The following SLC25A10 variants were observed in gnomAD, a reference collection of about 807,000 sequenced individuals.
The protein encoded by SLC25A10 is solute carrier family 25 member 10.
In SLC25A10, 32 loss-of-function variants were observed where a neutral mutation model predicts 40.4. That is an observed-to-expected ratio of 0.79 (90% CI 0.60 to 1.06). The LOEUF is 1.06. SLC25A10 is among the 50% of genes least tolerant of loss of function. The pLI is 0.00. For missense variants in SLC25A10, 394 were observed against 402.6 expected (o/e 0.98, Z 0.18); for synonymous variants, 181 against 171.1 (o/e 1.06, Z -0.45).
chr17:81,718,559 G>A (rs988209133), intron 9 of SLC25A10, among the ~76,000 whole-genome samples: 2 of 152,202 alleles, frequency 1.3e-5, no homozygotes, highest in African/African-American at 4.8e-5. Flanking sequence ...GGAGGCTGAG[G>A]TGGGATAATC....
chr17:81,714,814 C>T (rs2037449143), intron 1 of SLC25A10, 139 bp from the exon 2 acceptor site: 2 of 1,173,102 alleles, frequency 1.7e-6, no homozygotes, highest in South Asian at 1.5e-5. Context: ...GAGCTGGTTC[C>T]AGGCACGGGT....
rs535760861 is a variant in SLC25A10 at position 81,720,823 on chromosome 17, C to A, written c.*746C>A. 0.074 allele frequency: 17,314 copies of A among 233,952 alleles called. 971 individuals carry two copies. Among genetic ancestry groups the A allele is most frequent in the East Asian group, 0.27 (3,361 of 12,256 alleles). The allele number at this position is 233,952 out of a possible 1,614,324, so 14.5% of individuals were successfully genotyped here. On this transcript the variant is annotated 3_prime_UTR_variant, in exon 11 of 11. Transcript: ENST00000350690. ...TGCCTGCGTCCCTCGGGCACCTGGG[C>A]CCCCCCGCTTGGCTCCCTGGGGGAA...
intron 9 of SLC25A10, among the ~76,000 whole-genome samples, chr17:81,718,580 A>T (rs796771175): frequency 6.6e-6 from 1 of 152,144 alleles, no homozygotes; most frequent in South Asian, 2.1e-4. Flanking sequence ...CCTTGAGCCC[A>T]GGATGTCCAG....
In SLC25A10 at chr17:81,720,086, G is replaced by A; in HGVS notation, c.*9G>A. On this transcript the variant is annotated 3_prime_UTR_variant, in exon 11 of 11. Transcript: ENST00000350690. ...TCAAAGTGCCATCCTGACCAGCCGT[G>A]GGAATGGCTGGGCTGCCAGGCCAGA... 6.2e-7 allele frequency: 1 copy of A among 1,612,364 alleles called. No individual in the cohort carries two copies. Among genetic ancestry groups the A allele is most frequent in the Non-Finnish European group, 8.5e-7 (1 of 1,179,992 alleles).
Position 81,716,872 on chromosome 17 carries a change from G to A in SLC25A10, c.463+17G>A, listed in dbSNP as rs780087234. ...CTCGTGAAGGTGAGGGGCAGGTGCTGTGCACAGGCAGGGTTCTGGGGGGCA... is the reference window on the plus strand; with the variant it reads ...CTCGTGAAGGTGAGGGGCAGGTGCTATGCACAGGCAGGGTTCTGGGGGGCA... On this transcript the variant is annotated intron_variant, in intron 6 of 10. Transcript: ENST00000350690. 6.8e-6 allele frequency: 11 copies of A among 1,610,612 alleles called. No homozygotes were observed. The highest frequency in any genetic ancestry group is 2.2e-5 in the East Asian group (1 of 44,778).
rs1171503269 is a variant in SLC25A10, at chr17:81,712,346, C to CGCGGGGT, written c.-75_-74insTGCGGGG. On this transcript the variant is annotated 5_prime_UTR_variant, in exon 1 of 11. Transcript: ENST00000350690. ...TTTGAACCGGGCGCGGGGCGCGGGGCGCGGGGCGCTGCGGCCGGTACACGC... is the reference window on the plus strand; with the variant it reads ...TTTGAACCGGGCGCGGGGCGCGGGGCGCGGGGTGCGGGGCGCTGCGGCCGGTACACGC... 1.0e-6 allele frequency: 1 copy of CGCGGGGT among 964,912 alleles called. No individual in the cohort carries two copies. The highest frequency in any genetic ancestry group is 1.7e-5 in the African/African-American group (1 of 57,954). 59.8% of individuals were successfully genotyped at this position (964,912 alleles called of 1,614,324 possible). A position where few individuals can be genotyped will look rare whatever the true frequency, so the allele number is the denominator to read the frequency against.
At chr17:81,712,555 C>A in intron 1 of SLC25A10, 36 bp downstream of exon 1, 1 of 1,212,268 alleles carries the variant, frequency 8.2e-7, no homozygotes, top group Non-Finnish European at 1.0e-6. Flanking sequence ...GCGGATGGGA[C>A]CCTGGCGCCG....
chr17:81,716,220 C>A (rs1312864442), intron 5 of SLC25A10, among the ~76,000 whole-genome samples, 170 bp downstream of exon 5: 1 of 152,176 alleles, frequency 6.6e-6, no homozygotes, highest in Non-Finnish European at 1.5e-5. Flanking sequence ...TCACTCTGCG[C>A]CCCCAGGACC....
At position 81,715,989 on chromosome 17, in the gene SLC25A10, G is replaced by A. The variant is rs773033327; in HGVS notation, c.378-20G>A. 43 of 1,345,954 alleles carry A rather than the reference G, an allele frequency of 3.2e-5. 2 individuals are homozygous for A. The highest frequency in any genetic ancestry group is 2.7e-4 in the South Asian group (22 of 81,668). The allele number at this position is 1,345,954 out of a possible 1,614,324, so 83.4% of individuals were successfully genotyped here. ...GCCCCTCGGCCCGCCCGCCCCTCCC[G>A]CCACCTGCTTCTGTTTCAGGATGCA... On this transcript the variant is annotated intron_variant, in intron 4 of 10. Transcript: ENST00000350690.
chr17:81,720,926 T>G lies in SLC25A10; in HGVS notation c.*849T>G. ...CCGACGGGGCGGATGCTGCATCCTC[T>G]GCCTCCCTGGTCGCTGGGCTTCACC... On this transcript the variant is annotated 3_prime_UTR_variant, in exon 11 of 11. Coordinates refer to ENST00000350690, the MANE Select transcript of SLC25A10 (RefSeq NM_012140.5). 1 of 158,696 alleles carries G rather than the reference T, an allele frequency of 6.3e-6. No individual in the cohort carries two copies. Among genetic ancestry groups the G allele is most frequent in the Non-Finnish European group, 1.4e-5 (1 of 72,628 alleles). The allele number at this position is 158,696 out of a possible 1,614,324, so 9.8% of individuals were successfully genotyped here. A position where few individuals can be genotyped will look rare whatever the true frequency, so the allele number is the denominator to read the frequency against.
Position 81,715,710 on chromosome 17 carries a change from G to A in SLC25A10, c.346G>A (p.Val116Met), listed in dbSNP as rs541892207. 1.7e-5 allele frequency: 27 copies of A among 1,613,240 alleles called. No individual in the cohort carries two copies. In the Admixed American group the frequency reaches 2.3e-4, roughly 14 times the overall value. ...CACCGCAGGTTTAGCTGGAGGCTTC[G>A]TGGGGACGCCCGCAGACTTGGTCAA... ...GSVSGLAGGF[V>M]GTPADLVNVR... Residue 116 changes from valine (V) to methionine (M), a missense_variant, in exon 4 of 11, where the codon GTG becomes ATG. Transcript: ENST00000350690.
Position 81,720,252 on chromosome 17 carries a change from C to G in SLC25A10, c.*175C>G. On this transcript the variant is annotated 3_prime_UTR_variant, in exon 11 of 11. Coordinates refer to ENST00000350690, the MANE Select transcript of SLC25A10 (RefSeq NM_012140.5). ...GCTGAGCTCCTCCTGGCCTCGTCCCCTCTCAGCTGTAGCTGCACCACCCCC... is the reference window on the plus strand; with the variant it reads ...GCTGAGCTCCTCCTGGCCTCGTCCCGTCTCAGCTGTAGCTGCACCACCCCC... 1 of 1,446,910 alleles carries G rather than the reference C, an allele frequency of 6.9e-7. No homozygotes were observed. Among genetic ancestry groups the G allele is most frequent in the East Asian group, 2.5e-5 (1 of 40,298 alleles). The allele number at this position is 1,446,910 out of a possible 1,614,324, so 89.6% of individuals were successfully genotyped here.
chr17:81,712,339 C>A lies in SLC25A10; in HGVS notation c.-88C>A. On this transcript the variant is annotated 5_prime_UTR_variant, in exon 1 of 11. Coordinates refer to ENST00000350690, the MANE Select transcript of SLC25A10 (RefSeq NM_012140.5). ...GCGGCGCTTTGAACCGGGCGCGGGG[C>A]GCGGGGCGCGGGGCGCTGCGGCCGG... 2.2e-6 allele frequency: 2 copies of A among 906,854 alleles called. No homozygotes were observed. The highest frequency in any genetic ancestry group is 1.4e-6 in the Non-Finnish European group (1 of 707,254). 56.2% of individuals were successfully genotyped at this position (906,854 alleles called of 1,614,324 possible). A position where few individuals can be genotyped will look rare whatever the true frequency, so the allele number is the denominator to read the frequency against.
At position 81,717,795 on chromosome 17, in the gene SLC25A10, C is replaced by T; in HGVS notation, c.639C>T (p.Ala213=). 1.2e-6 allele frequency: 2 copies of T among 1,611,864 alleles called. No homozygotes were observed. The highest frequency in any genetic ancestry group is 8.5e-7 in the Non-Finnish European group (1 of 1,179,682). The stretch of plus-strand genomic sequence containing the variant: ...AGCCCCCTCCTCAGGGTGGATGTGC[C>T]ACGTTCCTGTGCCAGCCCCTGGATG... ...FVASFIAGGC[A]TFLCQPLDVL... The change falls in exon 9 of 11, where the codon GCC becomes GCT. Residue 213 remains alanine, a synonymous_variant. Transcript: ENST00000350690.
chr17:81,720,589 C>T lies in SLC25A10; in HGVS notation c.*512C>T. 1 of 1,165,448 alleles carries T rather than the reference C, an allele frequency of 8.6e-7. No individual in the cohort carries two copies. The highest frequency in any genetic ancestry group is 3.9e-5 in the South Asian group (1 of 25,328). The allele number at this position is 1,165,448 out of a possible 1,614,324, so 72.2% of individuals were successfully genotyped here. ...CGGGCAGCTGCAACTCCCCGCGAGACCCCGCAGCTGGGTGGGATGAACAAG... is the reference window on the plus strand; with the variant it reads ...CGGGCAGCTGCAACTCCCCGCGAGATCCCGCAGCTGGGTGGGATGAACAAG... On this transcript the variant is annotated 3_prime_UTR_variant, in exon 11 of 11. Transcript: ENST00000350690.
chr17:81,717,561 G>A (rs902166342), intron 8 of SLC25A10, 70 bp downstream of exon 8: 30 of 1,557,232 alleles, frequency 1.9e-5, no homozygotes, highest in Non-Finnish European at 2.5e-5. Flanking sequence ...CCCAGGATGG[G>A]GCGAGGGCTG....
chr17:81,719,711 A>AC, intron 9 of SLC25A10, 120 bp from the exon 10 acceptor site: 4 of 1,227,396 alleles, frequency 3.3e-6, no homozygotes, highest in Non-Finnish European at 2.4e-6. Flanking sequence ...CCACACCCAC[A>AC]CCCACACCCC....
intron 1 of SLC25A10, among the ~76,000 whole-genome samples, chr17:81,714,189 T>C (rs1568228598): frequency 6.6e-6 from 1 of 152,212 alleles, no homozygotes; most frequent in Non-Finnish European, 1.5e-5. Flanking sequence ...GAAGGACTTC[T>C]TTGGGGTCAG....
At chr17:81,717,374 C>T (rs1375480196) in intron 7 of SLC25A10, 25 bp from the exon 8 acceptor site, 2 of 1,611,912 alleles carry the variant, frequency 1.2e-6, no homozygotes, top group Non-Finnish European at 1.7e-6. Context: ...CCCCTACAGC[C>T]CTGACCGCCC....
Sources: allele counts gnomAD v4.1 joint callset (sites outside exome capture counted in the v4.1 genomes callset), GRCh38; gene constraint gnomAD v4.1.1; transcripts MANE v1.5; gene names NCBI Gene and HGNC (gene_info 2026-07-23, HGNC 2026-07-21).